Variants in OCA2 observed in about 807,000 individuals in gnomAD.
OCA2 encodes P protein.
A neutral mutation model predicts 100.2 loss-of-function variants in OCA2; 77 were observed. The ratio of observed to expected loss-of-function variants is 0.77; its 90% confidence interval spans 0.64 to 0.93. The LOEUF (loss-of-function observed/expected upper bound fraction) is 0.93. Among genes scored for constraint, OCA2 ranks in the 40% least tolerant of loss-of-function variants. The pLI, the probability that OCA2 is intolerant of heterozygous loss-of-function variation, is 0.00. For synonymous variants in OCA2, 432 were observed against 439.2 expected (o/e 0.98, Z 0.21); for missense variants, 1,062 against 1,089.1 (o/e 0.98, Z 0.35).
At chr15:27,816,646 T>G (rs1026369130) in intron 23 of OCA2, among the ~76,000 whole-genome samples, 1 of 152,076 alleles carries the variant, frequency 6.6e-6, no homozygotes, top group Non-Finnish European at 1.5e-5. Context: ...TTTCTCTCGG[T>G]TCCCGTAACT....
chr15:28,092,983 AT>A (rs1425089942), intron 1 of OCA2, among the ~76,000 whole-genome samples: 1 of 152,152 alleles, frequency 6.6e-6, no homozygotes, highest in African/African-American at 2.4e-5. Context: ...AATTTTCAAA[AT>A]TCAAAAGTAA....
At chr15:27,992,947 A>T (rs898918252) in intron 9 of OCA2, among the ~76,000 whole-genome samples, 1 of 151,988 alleles carries the variant, frequency 6.6e-6, no homozygotes, top group Non-Finnish European at 1.5e-5. Context: ...GCATCACAAG[A>T]CCTCATCTCT....
At chr15:28,067,355 G>A (rs559816554) in intron 2 of OCA2, among the ~76,000 whole-genome samples, 5 of 150,214 alleles carry the variant, frequency 3.3e-5, no homozygotes, top group Non-Finnish European at 7.4e-5. Flanking sequence ...TTTGCATCTC[G>A]ATTTTATTAA....
At chr15:27,897,871 C>G (rs910121528) in intron 19 of OCA2, among the ~76,000 whole-genome samples, 8 of 152,204 alleles carry the variant, frequency 5.3e-5, no homozygotes, top group Non-Finnish European at 1.0e-4. Flanking sequence ...AGGGACCGAG[C>G]TGCCCAAGAC....
At chr15:27,948,177 G>A (rs1464833628) in intron 18 of OCA2, among the ~76,000 whole-genome samples, 2 of 152,160 alleles carry the variant, frequency 1.3e-5, no homozygotes, top group Non-Finnish European at 2.9e-5. Context: ...ATATATTTAA[G>A]GTTTGCATAA....
rs566567275 is a variant in OCA2 at position 27,818,118 on chromosome 15, G to A, written c.2432+26841C>T. On this transcript the variant is annotated intron_variant, in intron 23 of 23. Coordinates refer to ENST00000354638, the MANE Select transcript of OCA2 (RefSeq NM_000275.3). ...TTAAAATATCATCTCTGGCTGGCATGGTGGCTCACACCTGTAATCCCAGCA... is the reference window on the plus strand; with the variant it reads ...TTAAAATATCATCTCTGGCTGGCATAGTGGCTCACACCTGTAATCCCAGCA... 1.8e-4 allele frequency among the ~76,000 whole-genome samples: 28 copies of A among 152,248 alleles called. No individual in the cohort carries two copies. The South Asian group carries it at 2.9e-3, about 16-fold the overall frequency.
intron 9 of OCA2, among the ~76,000 whole-genome samples, chr15:28,000,887 T>C (rs1322152395): frequency 6.6e-6 from 1 of 152,022 alleles, no homozygotes; most frequent in African/African-American, 2.4e-5. Context: ...ATCAGAGAAA[T>C]GCACATCAAA....
Position 27,983,048 on chromosome 15 carries a change from G to A in OCA2, c.1503+297C>T, listed in dbSNP as rs147963358. On this transcript the variant is annotated intron_variant, in intron 14 of 23. Transcript: ENST00000354638. The stretch of plus-strand genomic sequence containing the variant: ...ATTTTGTTTTTAATGTAGGTTGGAA[G>A]AAACCTCAGTTCCTATTAATACAAT... Among the ~76,000 whole-genome samples, 535 of 152,292 alleles carry A rather than the reference G, an allele frequency of 3.5e-3. 2 individuals carry two copies. Among genetic ancestry groups the A allele is most frequent in the South Asian group, 0.022 (108 of 4,820 alleles).
At chr15:27,750,082 C>T (rs1047008293), downstream of OCA2, among the ~76,000 whole-genome samples, 4 of 152,264 alleles carry the variant, frequency 2.6e-5, no homozygotes, top group Admixed American at 2.6e-4. Flanking sequence ...TCCACAAGCC[C>T]ACCCCTCTTT....
chr15:28,046,681 C>T (rs1033612174), intron 2 of OCA2, among the ~76,000 whole-genome samples: 2 of 152,162 alleles, frequency 1.3e-5, no homozygotes, highest in Non-Finnish European at 2.9e-5. Context: ...AACAACAGGA[C>T]AGGGTACCTA....
chr15:27,757,290 A>G (rs767635152), intron 23 of OCA2, among the ~76,000 whole-genome samples: 11 of 152,380 alleles, frequency 7.2e-5, no homozygotes, highest in Non-Finnish European at 1.5e-4. Context: ...TGGATAAATC[A>G]TAACAATGGC....
chr15:27,933,628 G>GCT, intron 18 of OCA2, among the ~76,000 whole-genome samples: 1 of 152,210 alleles, frequency 6.6e-6, no homozygotes, highest in African/African-American at 2.4e-5. Flanking sequence ...GAAAGTTACA[G>GCT]TTAAAGGGGG....
intron 9 of OCA2, among the ~76,000 whole-genome samples, chr15:27,996,793 A>G (rs532645864): frequency 1.3e-5 from 2 of 152,194 alleles, no homozygotes; most frequent in South Asian, 4.1e-4. Flanking sequence ...AGATTGAAGC[A>G]CTAATCAAAA....
At chr15:27,851,600 G>T in intron 21 of OCA2, 125 bp from the exon 22 acceptor site, 1 of 835,498 alleles carries the variant, frequency 1.2e-6, no homozygotes, top group Non-Finnish European at 2.0e-6. Flanking sequence ...TAAGATTTGT[G>T]GAAAGAAACC....
At chr15:27,986,876 G>T (rs2041372433) in intron 11 of OCA2, among the ~76,000 whole-genome samples, 1 of 152,188 alleles carries the variant, frequency 6.6e-6, no homozygotes, top group Non-Finnish European at 1.5e-5. Context: ...CCAGGGATTT[G>T]TCCTCAAGGC....
intron 23 of OCA2, among the ~76,000 whole-genome samples, chr15:27,770,211 C>T (rs765872039): frequency 3.9e-5 from 6 of 152,156 alleles, no homozygotes; most frequent in Admixed American, 6.5e-5. Context: ...CGTTTCCAGG[C>T]GGGCGGAGGG....
At chr15:27,775,137 G>A (rs941036791) in intron 23 of OCA2, among the ~76,000 whole-genome samples, 1 of 151,736 alleles carries the variant, frequency 6.6e-6, no homozygotes, top group African/African-American at 2.4e-5. Context: ...TGGGCCCTCT[G>A]GGGCTGGCGC....
chr15:27,852,346 G>C (rs982247230), intron 21 of OCA2, among the ~76,000 whole-genome samples: 19 of 152,170 alleles, frequency 1.2e-4, no homozygotes, highest in African/African-American at 4.3e-4. Context: ...TTTTTCTCAG[G>C]TTTGTCAAAG....
chr15:27,941,481 T>G (rs1343704827), intron 18 of OCA2, among the ~76,000 whole-genome samples: 1 of 152,162 alleles, frequency 6.6e-6, no homozygotes, highest in African/African-American at 2.4e-5. Flanking sequence ...TGAGAAACAG[T>G]CATTAAATGG....
Sources: allele counts gnomAD v4.1 joint callset (sites outside exome capture counted in the v4.1 genomes callset), GRCh38; gene constraint gnomAD v4.1.1; transcripts MANE v1.5; gene names NCBI Gene and HGNC (gene_info 2026-07-23, HGNC 2026-07-21).